The following MACROD2 variants were observed in gnomAD, a reference collection of about 807,000 sequenced individuals.
The protein encoded by MACROD2 is mono-ADP ribosylhydrolase 2.
A neutral mutation model predicts 70.4 loss-of-function variants in MACROD2; 36 were observed. That is an observed-to-expected ratio of 0.51 (90% CI 0.39 to 0.68). The LOEUF (loss-of-function observed/expected upper bound fraction) is 0.68. MACROD2 is among the 30% of genes least tolerant of loss of function. The pLI is 0.00. For synonymous variants in MACROD2, 172 were observed against 178.8 expected, an observed-to-expected ratio of 0.96 and a Z score of 0.30; for missense variants, 496 against 538.4, an observed-to-expected ratio of 0.92 and a Z score of 0.78.
At chr20:15,291,873 C>A (rs571814543) in intron 6 of MACROD2, among the ~76,000 whole-genome samples, 47 of 152,230 alleles carry the variant, frequency 3.1e-4, no homozygotes, top group African/African-American at 1.1e-3. Flanking sequence ...ATTACTACTA[C>A]TAATAACCAA....
chr20:14,690,919 T>C (rs904443086), intron 5 of MACROD2, among the ~76,000 whole-genome samples: 1 of 152,166 alleles, frequency 6.6e-6, no homozygotes, highest in Non-Finnish European at 1.5e-5. Flanking sequence ...TTTATTTTTA[T>C]TTTTTTCTCC....
At chr20:14,376,030 G>T (rs1237920415) in intron 3 of MACROD2, among the ~76,000 whole-genome samples, 1 of 152,068 alleles carries the variant, frequency 6.6e-6, no homozygotes, top group Admixed American at 6.6e-5. Context: ...AAAATATCAG[G>T]TTGAGTTCTG....
At chr20:14,799,849 T>A (rs996608417) in intron 5 of MACROD2, among the ~76,000 whole-genome samples, 2 of 152,098 alleles carry the variant, frequency 1.3e-5, no homozygotes, top group Non-Finnish European at 2.9e-5. Context: ...GGGTCAAGGG[T>A]TAATGGAAGA....
chr20:14,148,758 CCT>C (rs1252555972), intron 3 of MACROD2, among the ~76,000 whole-genome samples: 1 of 152,208 alleles, frequency 6.6e-6, no homozygotes, highest in African/African-American at 2.4e-5. Flanking sequence ...GAGCCTTTAT[CCT>C]CTCTCAGCTC....
chr20:15,907,063 T>C (rs2065158388), intron 10 of MACROD2, among the ~76,000 whole-genome samples: 1 of 152,234 alleles, frequency 6.6e-6, no homozygotes, highest in Admixed American at 6.5e-5. Flanking sequence ...TGTGTACTTA[T>C]TTATATCCTC....
At chr20:14,579,953 A>G (rs962244826) in intron 4 of MACROD2, among the ~76,000 whole-genome samples, 1 of 152,188 alleles carries the variant, frequency 6.6e-6, no homozygotes, top group African/African-American at 2.4e-5. Context: ...TTGCTATTTA[A>G]GTGGAATCTA....
intron 4 of MACROD2, among the ~76,000 whole-genome samples, chr20:14,535,854 G>A (rs1388333527): frequency 6.6e-6 from 1 of 152,126 alleles, no homozygotes; most frequent in Admixed American, 6.6e-5. Flanking sequence ...TGAATTTGTA[G>A]AAGATTTCAC....
chr20:15,443,224 G>T (rs1356753158), intron 7 of MACROD2, among the ~76,000 whole-genome samples: 2 of 152,076 alleles, frequency 1.3e-5, no homozygotes, highest in Admixed American at 6.6e-5. Flanking sequence ...AGCAGATATG[G>T]ATTTACATCC....
intron 5 of MACROD2, among the ~76,000 whole-genome samples, chr20:14,923,096 A>G (rs1320169046): frequency 1.3e-5 from 2 of 152,156 alleles, no homozygotes; most frequent in African/African-American, 2.4e-5. Flanking sequence ...CTCCAGACAC[A>G]GTTGATCGCT....
At chr20:14,871,949 T>C (rs1280289984) in intron 5 of MACROD2, among the ~76,000 whole-genome samples, 1 of 150,090 alleles carries the variant, frequency 6.7e-6, no homozygotes, top group African/African-American at 2.5e-5. Flanking sequence ...TGGTAAAGGG[T>C]TCAATTCAGG....
At chr20:15,143,130 A>G (rs1233157599) in intron 5 of MACROD2, among the ~76,000 whole-genome samples, 1 of 152,182 alleles carries the variant, frequency 6.6e-6, no homozygotes, top group Non-Finnish European at 1.5e-5. Context: ...TCCCACCAAC[A>G]GTGTAAAAGT....
At chr20:14,779,279 C>A (rs377361543) in intron 5 of MACROD2, among the ~76,000 whole-genome samples, 1 of 152,102 alleles carries the variant, frequency 6.6e-6, no homozygotes, top group Admixed American at 6.5e-5. Context: ...ATACTAGTCA[C>A]GCTTTCACTC....
chr20:15,971,870 A>G (rs1485592611), intron 13 of MACROD2, among the ~76,000 whole-genome samples: 1 of 152,146 alleles, frequency 6.6e-6, no homozygotes, highest in South Asian at 2.1e-4. Context: ...AGTATGATGC[A>G]CAGGAAAAGA....
chr20:14,417,022 GCTAT>G (rs1326025213), intron 3 of MACROD2, among the ~76,000 whole-genome samples: 1 of 151,626 alleles, frequency 6.6e-6, no homozygotes, highest in African/African-American at 2.4e-5. Flanking sequence ...ACACACACAC[GCTAT>G]CTATCTATAT....
intron 8 of MACROD2, among the ~76,000 whole-genome samples, chr20:15,592,818 C>T (rs2048696310): frequency 6.6e-6 from 1 of 152,180 alleles, no homozygotes; most frequent in South Asian, 2.1e-4. Context: ...GTGGTGAAAA[C>T]ATCTAAAGTG....
chr20:15,969,738 T>A (rs1334549002), intron 13 of MACROD2, among the ~76,000 whole-genome samples: 1 of 151,672 alleles, frequency 6.6e-6, no homozygotes, highest in Non-Finnish European at 1.5e-5. Flanking sequence ...ACAGTTGGAG[T>A]CCCAGAAAGG....
At position 14,447,562 on chromosome 20, in the gene MACROD2, C is replaced by T. The variant is rs191655019; in HGVS notation, c.272-45917C>T. ...CTATAGGAAGAGGCCTCAGAGGAGA[C>T]TCTAGGAGTTTATTGTCTCCCCCAG... On this transcript the variant is annotated intron_variant, in intron 3 of 17. Transcript: ENST00000684519. Among the ~76,000 whole-genome samples, 21 of 151,796 alleles carry T rather than the reference C, an allele frequency of 1.4e-4. No homozygotes were observed. The East Asian group carries it at 3.7e-3, about 27-fold the overall frequency.
chr20:15,424,200 C>G (rs1040547117), intron 6 of MACROD2, among the ~76,000 whole-genome samples: 2 of 152,126 alleles, frequency 1.3e-5, no homozygotes, highest in African/African-American at 2.4e-5. Flanking sequence ...TGCAGAGGAA[C>G]TGCAAAATTA....
At chr20:14,533,142 A>G (rs1192516108) in intron 4 of MACROD2, among the ~76,000 whole-genome samples, 1 of 152,206 alleles carries the variant, frequency 6.6e-6, no homozygotes, top group Non-Finnish European at 1.5e-5. Context: ...AGCCTGGAGG[A>G]TAAGGAAATT....
Sources: allele counts gnomAD v4.1 joint callset (sites outside exome capture counted in the v4.1 genomes callset), GRCh38; gene constraint gnomAD v4.1.1; transcripts MANE v1.5; gene names NCBI Gene and HGNC (gene_info 2026-07-23, HGNC 2026-07-21).